Variants in PCDHA2 observed in about 807,000 individuals in gnomAD.
PCDHA2 encodes the protein protocadherin alpha 2.
PCDHA2 carries 58 observed loss-of-function variants against 66.0 expected under a neutral mutation model. The ratio of observed to expected loss-of-function variants is 0.88; its 90% CI spans 0.71 to 1.09. PCDHA2 has a LOEUF of 1.09. PCDHA2 is among the 50% of genes least tolerant of loss of function. The pLI is 0.00. For missense variants in PCDHA2, 1,267 were observed against 1,242.3 expected, an observed-to-expected ratio of 1.02 and a Z score of -0.30; for synonymous variants, 634 against 554.0, an observed-to-expected ratio of 1.14 and a Z score of -2.03.
intron 1 of PCDHA2, chr5:140,850,192 T>A (rs2150472322): frequency 6.3e-7 from 1 of 1,593,512 alleles, no homozygotes. Flanking sequence ...CCGGCGCTGC[T>A]GACACCTCGG....
chr5:140,887,140 A>T (rs1414836088), intron 1 of PCDHA2, among the ~76,000 whole-genome samples: 3 of 150,560 alleles, frequency 2.0e-5, no homozygotes, highest in Non-Finnish European at 4.4e-5. Context: ...TCTGTCGCCC[A>T]GGCTGGAGTA....
chr5:140,828,648 G>A, intron 1 of PCDHA2: 1 of 1,614,192 alleles, frequency 6.2e-7, no homozygotes, highest in Non-Finnish European at 8.5e-7. Context: ...AAAATAAACA[G>A]TGATGACAAT....
intron 1 of PCDHA2, chr5:140,805,103 A>G (rs782491293): frequency 1.3e-6 from 2 of 1,591,506 alleles, no homozygotes; most frequent in East Asian, 2.2e-5. Context: ...TCTTGAAACT[A>G]TTGTCTAACA....
intron 1 of PCDHA2, chr5:140,841,873 A>T: frequency 6.2e-7 from 1 of 1,613,866 alleles, no homozygotes; most frequent in Non-Finnish European, 8.5e-7. Context: ...ATGTGAATTC[A>T]AAGAACGATG....
intron 3 of PCDHA2, among the ~76,000 whole-genome samples, chr5:141,009,291 T>G (rs115348370): frequency 2.9e-3 from 436 of 152,228 alleles, no homozygotes; most frequent in African/African-American, 9.9e-3. Flanking sequence ...CCCATTTCTA[T>G]AAAATTTTTT....
At chr5:140,862,045 A>T (rs544547077) in intron 1 of PCDHA2, 1 of 155,812 alleles carries the variant, frequency 6.4e-6, no homozygotes, top group South Asian at 2.0e-4. Context: ...AAACCGTCAC[A>T]TTGTTTCTTT....
chr5:140,841,274 C>G, intron 1 of PCDHA2: 28 of 1,518,248 alleles, frequency 1.8e-5, no homozygotes, highest in Non-Finnish European at 1.7e-5. Flanking sequence ...TACAGTCGTT[C>G]ATCTTTATAT....
At chr5:140,880,009 T>C (rs2058206618) in intron 1 of PCDHA2, among the ~76,000 whole-genome samples, 1 of 152,232 alleles carries the variant, frequency 6.6e-6, no homozygotes, top group African/African-American at 2.4e-5. Context: ...TTATTCACCA[T>C]ATAAAGTAAA....
rs1432649344 is a variant in PCDHA2, at chr5:140,870,194, C to T, written c.2388+72842C>T. ...CTCCCAGTACGAGAGGACGCTCAGC[C>T]CAGCACGGTCATTGCCCTGATCAGC... On this transcript the variant is annotated intron_variant, in intron 1 of 3. Transcript: ENST00000526136. 5.0e-6 allele frequency: 8 copies of T among 1,614,050 alleles called. No homozygotes were observed. Among genetic ancestry groups the T allele is most frequent in the Non-Finnish European group, 5.9e-6 (7 of 1,180,054 alleles).
chr5:140,836,719 G>A (rs1774695669), intron 1 of PCDHA2: 1 of 1,612,572 alleles, frequency 6.2e-7, no homozygotes, highest in African/African-American at 1.3e-5. Context: ...CTTCCTCAGG[G>A]TCCATCCTCT....
intron 1 of PCDHA2, chr5:140,927,096 G>A (rs1554204014): frequency 1.2e-6 from 2 of 1,612,778 alleles, no homozygotes; most frequent in Admixed American, 1.7e-5. Context: ...ACTTCGGGGT[G>A]GATCTACCCA....
At position 140,924,716 on chromosome 5, in the gene PCDHA2, G is replaced by A. The variant is rs534222527; in HGVS notation, c.2389-54233G>A. On this transcript the variant is annotated intron_variant, in intron 1 of 3. Coordinates refer to ENST00000526136, the MANE Select transcript of PCDHA2 (RefSeq NM_018905.3). The stretch of plus-strand genomic sequence containing the variant: ...TCGAGACCAGCTTGTGCAACATGGC[G>A]AAACCTCACCTCTAATAAAAATACA... Among the ~76,000 whole-genome samples, 5 of 151,980 alleles carry A rather than the reference G, an allele frequency of 3.3e-5. No homozygotes were observed. The South Asian group carries it at 1.0e-3, about 32-fold the overall frequency.
rs190283736 is a variant in PCDHA2 at position 140,986,671 on chromosome 5, A to G, written c.2536+4108A>G. 1.7e-3 allele frequency among the ~76,000 whole-genome samples: 261 copies of G among 152,322 alleles called. 3 individuals carry two copies. The highest frequency in any genetic ancestry group is 2.2e-4 in the Non-Finnish European group (15 of 68,018). ...GTGGGAGATGCTCACAGTTTTCAGA[A>G]GAGTTCAGAAAGTTTCAAAACACAC... On this transcript the variant is annotated intron_variant, in intron 3 of 3. Coordinates refer to ENST00000526136, the MANE Select transcript of PCDHA2 (RefSeq NM_018905.3).
At chr5:140,928,868 C>G (rs374918492) in intron 1 of PCDHA2, 32 of 1,614,062 alleles carry the variant, frequency 2.0e-5, no homozygotes, top group Non-Finnish European at 2.6e-5. Context: ...TTGAGCAACT[C>G]TGTCCCTCAG....
chr5:140,842,759 C>A (rs2150343672), intron 1 of PCDHA2: 1 of 1,594,806 alleles, frequency 6.3e-7, no homozygotes, highest in East Asian at 2.2e-5. Flanking sequence ...GGTGTCTGCG[C>A]GAGACGCGGA....
At chr5:140,959,099 G>T (rs1233693181) in intron 1 of PCDHA2, among the ~76,000 whole-genome samples, 1 of 152,078 alleles carries the variant, frequency 6.6e-6, no homozygotes, top group Non-Finnish European at 1.5e-5. Context: ...CGGACATTCA[G>T]CAGGGGTCCG....
At chr5:140,917,324 C>CGGT (rs2078038330) in intron 1 of PCDHA2, among the ~76,000 whole-genome samples, 1 of 76,126 alleles carries the variant, frequency 1.3e-5, no homozygotes, top group Admixed American at 1.5e-4. Flanking sequence ...GTTCATGTGG[C>CGGT]GGGGGAGGGG....
intron 3 of PCDHA2, among the ~76,000 whole-genome samples, chr5:140,987,826 G>T (rs1481540038): frequency 6.6e-6 from 1 of 152,014 alleles, no homozygotes; most frequent in Non-Finnish European, 1.5e-5. Flanking sequence ...TTTCCTTAGG[G>T]GATTGCTTTT....
intron 1 of PCDHA2, among the ~76,000 whole-genome samples, chr5:140,838,271 G>A (rs1439156541): frequency 7.8e-6 from 1 of 127,938 alleles, no homozygotes; most frequent in Non-Finnish European, 1.6e-5. Context: ...CAACAACCAA[G>A]CCATGCTAAT....
Sources: allele counts gnomAD v4.1 joint callset (sites outside exome capture counted in the v4.1 genomes callset), GRCh38; gene constraint gnomAD v4.1.1; transcripts MANE v1.5; gene names NCBI Gene and HGNC (gene_info 2026-07-23, HGNC 2026-07-21).